TYW1: variants seen among roughly 807,000 people sequenced by gnomAD.
TYW1 encodes S-adenosyl-L-methionine-dependent tRNA 4-demethylwyosine synthase TYW1.
Under a neutral mutation model 96.2 loss-of-function variants are expected in TYW1, and 46 were observed. That is an observed-to-expected ratio of 0.48 (90% confidence interval 0.38 to 0.61). The LOEUF is 0.61. TYW1 is among the 20% of genes least tolerant of loss of function. The probability of loss-of-function intolerance (pLI) is 0.00; values close to 1 mark genes in which losing one functional copy is unlikely to be tolerated. For synonymous variants in TYW1, 274 were observed against 323.0 expected (o/e 0.85, Z 1.63); for missense variants, 684 against 909.6 (o/e 0.75, Z 3.19).
At chr7:67,177,768 A>G (rs1446787269) in intron 13 of TYW1, among the ~76,000 whole-genome samples, 1 of 152,176 alleles carries the variant, frequency 6.6e-6, no homozygotes, top group East Asian at 1.9e-4. Context: ...CAGATTGCCA[A>G]TATCTGCTAA....
chr7:67,134,271 G>A (rs1362736373), intron 13 of TYW1, among the ~76,000 whole-genome samples: 2 of 152,114 alleles, frequency 1.3e-5, no homozygotes, highest in East Asian at 3.9e-4. Context: ...GGCTGGGCGC[G>A]GTGGCTCACG....
At chr7:67,065,420 C>G (rs1220152351) in intron 9 of TYW1, among the ~76,000 whole-genome samples, 1 of 152,178 alleles carries the variant, frequency 6.6e-6, no homozygotes. Context: ...TTGAAGTGTA[C>G]AGTTCTTCAG....
intron 11 of TYW1, among the ~76,000 whole-genome samples, chr7:67,095,035 G>A (rs192561335): frequency 1.7e-4 from 25 of 151,266 alleles, no homozygotes; most frequent in African/African-American, 6.1e-4. Flanking sequence ...GTCTTGTCCT[G>A]TTGCCTAGGC....
intron 5 of TYW1, among the ~76,000 whole-genome samples, chr7:67,016,980 A>ATTTTTT (rs35358824): frequency 1.6e-5 from 2 of 121,764 alleles, no homozygotes; most frequent in Non-Finnish European, 3.3e-5. Flanking sequence ...AGATATGTAA[A>ATTTTTT]TTTTTTTTTT....
chr7:67,169,153 T>C (rs967433885), intron 13 of TYW1, among the ~76,000 whole-genome samples: 55 of 152,342 alleles, frequency 3.6e-4, no homozygotes, highest in African/African-American at 1.3e-3. Flanking sequence ...ATTTATATTA[T>C]TGTTTACTTT....
rs547866383 is a variant in TYW1, at chr7:67,074,586, G to A, written c.1274+7183G>A. On this transcript the variant is annotated intron_variant, in intron 10 of 15. Transcript: ENST00000359626. Reference sequence around the variant, plus strand: ...TTCTGGTAAAGAAGGACTAATATACGAGGTTTTAAAATTAGAATTTGCCAT... The same window carrying A: ...TTCTGGTAAAGAAGGACTAATATACAAGGTTTTAAAATTAGAATTTGCCAT... Among the ~76,000 whole-genome samples, 6 of 152,256 alleles carry A rather than the reference G, an allele frequency of 3.9e-5. No individual in the cohort carries two copies. The South Asian group carries it at 6.2e-4, about 16-fold the overall frequency.
At chr7:67,002,789 C>T (rs574783024) in intron 3 of TYW1, among the ~76,000 whole-genome samples, 31 of 150,294 alleles carry the variant, frequency 2.1e-4, no homozygotes, top group Middle Eastern at 3.5e-3. Context: ...CCTTTTGGAT[C>T]GTCTTCTGTG....
chr7:67,134,840 G>T (rs1296575227), intron 13 of TYW1, among the ~76,000 whole-genome samples: 1 of 149,100 alleles, frequency 6.7e-6, no homozygotes, highest in Non-Finnish European at 1.5e-5. Context: ...AGATGTGATG[G>T]CTCATGCCTG....
chr7:67,078,657 C>T (rs1424371537), intron 10 of TYW1, among the ~76,000 whole-genome samples: 1 of 152,078 alleles, frequency 6.6e-6, no homozygotes, highest in Admixed American at 6.6e-5. Context: ...GTGCTCTCTT[C>T]AATTTCTTTC....
At chr7:67,223,235 T>G (rs1178944421) in intron 15 of TYW1, among the ~76,000 whole-genome samples, 1 of 152,192 alleles carries the variant, frequency 6.6e-6, no homozygotes, top group Non-Finnish European at 1.5e-5. Context: ...TATCACTGTT[T>G]CTTTGTGTGC....
chr7:67,072,942 T>A lies in TYW1; in HGVS notation c.1274+5539T>A, dbSNP rs1426592466. On this transcript the variant is annotated intron_variant, in intron 10 of 15. Coordinates refer to ENST00000359626, the MANE Select transcript of TYW1 (RefSeq NM_018264.4). ...GCCACAATGCCTATCCAGTTTTTTT[T>A]TTTTTTTTTTTTTTTTTTTTTTATA... 5.7e-4 allele frequency among the ~76,000 whole-genome samples: 63 copies of A among 111,362 alleles called. 1 individual carries two copies. The South Asian group carries it at 0.018, about 32-fold the overall frequency. 73.1% of individuals were successfully genotyped at this position (111,362 alleles called of 152,430 possible). A position where few individuals can be genotyped will look rare whatever the true frequency, so the allele number is the denominator to read the frequency against.
chr7:67,042,002 ATGTATAATTATATTAGAAT>A (rs1369519690), intron 7 of TYW1, among the ~76,000 whole-genome samples: 2 of 147,104 alleles, frequency 1.4e-5, no homozygotes, highest in African/African-American at 4.9e-5. Context: ...ATTAGAATTA[ATGTATAATTATATTAGAAT>A]TATATAATTA....
chr7:67,045,755 TG>T (rs1408808867), intron 7 of TYW1, among the ~76,000 whole-genome samples: 3 of 152,114 alleles, frequency 2.0e-5, no homozygotes, highest in Non-Finnish European at 2.9e-5. Flanking sequence ...GTGATGGGTA[TG>T]GGAGATGGGA....
Position 67,025,035 on chromosome 7 carries a change from T to G in TYW1, c.984+13T>G. 1 of 1,613,574 alleles carries G rather than the reference T, an allele frequency of 6.2e-7. No homozygotes were observed. The highest frequency in any genetic ancestry group is 1.1e-5 in the South Asian group (1 of 91,056). ...GAAGAAAGAAAAGGTACCGTTACTT[T>G]GGGAAATGTTGCACTTGGCTCCCGC... On this transcript the variant is annotated intron_variant, in intron 7 of 15. Coordinates refer to ENST00000359626, the MANE Select transcript of TYW1 (RefSeq NM_018264.4).
At chr7:67,139,106 T>G (rs1282971520) in intron 13 of TYW1, among the ~76,000 whole-genome samples, 1 of 152,106 alleles carries the variant, frequency 6.6e-6, no homozygotes, top group Non-Finnish European at 1.5e-5. Flanking sequence ...CAGGCTGGAG[T>G]GCAGTGGCCG....
intron 15 of TYW1, among the ~76,000 whole-genome samples, chr7:67,220,048 A>G (rs1801334106): frequency 6.7e-6 from 1 of 150,002 alleles, no homozygotes; most frequent in South Asian, 2.1e-4. Context: ...ACTGTGTCCC[A>G]TACGTTTTGA....
At chr7:67,119,923 AC>A (rs1214816668) in intron 13 of TYW1, among the ~76,000 whole-genome samples, 1 of 151,472 alleles carries the variant, frequency 6.6e-6, no homozygotes, top group Non-Finnish European at 1.5e-5. Flanking sequence ...AAGTACTGGG[AC>A]CACAGGCACA....
At position 67,117,565 on chromosome 7, in the gene TYW1, T is replaced by C. The variant is rs1797633399; in HGVS notation, c.1645T>C (p.Phe549Leu). The C allele has an allele frequency of 1.2e-6, 2 of 1,614,088 alleles. No individual in the cohort carries two copies. Among genetic ancestry groups the C allele is most frequent in the Non-Finnish European group, 1.7e-6 (2 of 1,179,986 alleles). Residue 549 changes from phenylalanine to leucine, a missense_variant, in exon 13 of 16, where the codon TTC (phenylalanine) becomes CTC (leucine). Coordinates refer to ENST00000359626, the MANE Select transcript of TYW1 (RefSeq NM_018264.4). ...DSLKKIDRPL[F>L]KDFWQRFLDS... ...CCTGAAGAAAATCGACCGCCCACTCTTCAAGGATTTCTGGCAGAGATTCCT... is the reference window on the plus strand; with the variant it reads ...CCTGAAGAAAATCGACCGCCCACTCCTCAAGGATTTCTGGCAGAGATTCCT...
intron 14 of TYW1, among the ~76,000 whole-genome samples, chr7:67,191,947 G>A (rs1399919256): frequency 2.0e-5 from 3 of 151,324 alleles, no homozygotes; most frequent in Non-Finnish European, 2.9e-5. Flanking sequence ...CCAGGCTGGA[G>A]TGGAGAGGCA....
Sources: gnomAD v4.1 joint callset for allele counts (sites outside exome capture counted in the v4.1 genomes callset) on GRCh38, gnomAD v4.1.1 for gene constraint, MANE v1.5 for transcripts, NCBI Gene and HGNC (gene_info 2026-07-23, HGNC 2026-07-21) for gene names.